Variants in DMXL2 observed in about 807,000 individuals in gnomAD.
DMXL2 encodes dmX-like protein 2.
Under a neutral mutation model 331.1 loss-of-function variants are expected in DMXL2, and 103 were observed. The ratio of observed to expected loss-of-function variants is 0.31; its 90% CI spans 0.27 to 0.37. DMXL2 has a LOEUF of 0.37. DMXL2 is among the 10% of genes least tolerant of loss of function. The probability of loss-of-function intolerance (pLI) is 1.00; values close to 1 mark genes in which losing one functional copy is unlikely to be tolerated. For missense variants in DMXL2, 3,171 were observed against 3,642.9 expected (o/e 0.87, Z 3.33); for synonymous variants, 1,281 against 1,252.1 (o/e 1.02, Z -0.49).
chr15:51,465,018 T>G, intron 31 of DMXL2, 142 bp from the exon 32 acceptor site: 1 of 761,244 alleles, frequency 1.3e-6, no homozygotes, highest in Non-Finnish European at 2.1e-6. Flanking sequence ...CAGTTTAGAT[T>G]CTTAATGCTT....
intron 9 of DMXL2, among the ~76,000 whole-genome samples, chr15:51,539,434 A>G (rs994885569): frequency 6.6e-6 from 1 of 152,172 alleles, no homozygotes. Context: ...AAAACACAAG[A>G]AGGCAGGCAA....
At chr15:51,600,591 T>C (rs1054630789) in intron 1 of DMXL2, among the ~76,000 whole-genome samples, 1 of 152,194 alleles carries the variant, frequency 6.6e-6, no homozygotes, top group African/African-American at 2.4e-5. Context: ...AATCTGAAAT[T>C]AAAACTGCTT....
chr15:51,513,227 C>A (rs542194411), intron 15 of DMXL2, among the ~76,000 whole-genome samples: 1 of 152,124 alleles, frequency 6.6e-6, no homozygotes, highest in East Asian at 1.9e-4. Context: ...AAGAAAAGTA[C>A]CAACTTTATA....
chr15:51,477,760 T>C (rs990280847), intron 26 of DMXL2, among the ~76,000 whole-genome samples: 3 of 152,110 alleles, frequency 2.0e-5, no homozygotes. Flanking sequence ...AAGGCAATTA[T>C]ACATTTAGAA....
intron 28 of DMXL2, among the ~76,000 whole-genome samples, chr15:51,473,816 T>C (rs2041333258): frequency 6.6e-6 from 1 of 152,170 alleles, no homozygotes; most frequent in African/African-American, 2.4e-5. Flanking sequence ...ACTATCACAT[T>C]GAAGACTAAA....
chr15:51,510,842 G>A (rs1215024317), intron 15 of DMXL2, among the ~76,000 whole-genome samples: 1 of 152,136 alleles, frequency 6.6e-6, no homozygotes, highest in Non-Finnish European at 1.5e-5. Flanking sequence ...TACCAAAACA[G>A]ATACATAGAA....
intron 9 of DMXL2, among the ~76,000 whole-genome samples, chr15:51,539,778 C>T (rs1275488681): frequency 6.6e-6 from 1 of 152,142 alleles, no homozygotes; most frequent in Non-Finnish European, 1.5e-5. Flanking sequence ...CAGCAAGACC[C>T]TGTCCTCCTC....
intron 34 of DMXL2, 151 bp downstream of exon 34, chr15:51,459,447 T>C: frequency 2.2e-6 from 1 of 463,154 alleles, no homozygotes; most frequent in Non-Finnish European, 3.7e-6. Context: ...CAGTGAAGCA[T>C]CTCCTCCCCT....
intron 15 of DMXL2, among the ~76,000 whole-genome samples, chr15:51,509,137 C>G (rs1335778993): frequency 6.6e-6 from 1 of 151,292 alleles, no homozygotes; most frequent in Non-Finnish European, 1.5e-5. Context: ...ACAGGCAATA[C>G]AGTAGACAAG....
intron 13 of DMXL2, among the ~76,000 whole-genome samples, chr15:51,520,898 G>A (rs1487225222): frequency 1.3e-5 from 2 of 152,012 alleles, no homozygotes; most frequent in Non-Finnish European, 2.9e-5. Context: ...ATAAATGGGA[G>A]TAAAAACATA....
chr15:51,535,321 A>G (rs1331312462), intron 13 of DMXL2, among the ~76,000 whole-genome samples: 5 of 152,164 alleles, frequency 3.3e-5, no homozygotes, highest in Non-Finnish European at 5.9e-5. Flanking sequence ...CTAAACATAC[A>G]GCTTGGTAAA....
chr15:51,489,735 TA>T (rs1419409441), intron 20 of DMXL2, among the ~76,000 whole-genome samples: 1 of 152,158 alleles, frequency 6.6e-6, no homozygotes, highest in Non-Finnish European at 1.5e-5. Context: ...TTCCCCCTTT[TA>T]ATTGTGTTGT....
At chr15:51,505,755 A>G (rs2046361184) in intron 16 of DMXL2, among the ~76,000 whole-genome samples, 1 of 152,272 alleles carries the variant, frequency 6.6e-6, no homozygotes, top group Non-Finnish European at 1.5e-5. Flanking sequence ...TGTGAACAAA[A>G]AAGTACAAAT....
chr15:51,500,347 A>G lies in DMXL2; in HGVS notation c.2993-116T>C, dbSNP rs568940844. 1.5e-5 allele frequency: 16 copies of G among 1,059,344 alleles called. No homozygotes were observed. In the South Asian group the frequency reaches 2.6e-4, roughly 17 times the overall value. The allele number at this position is 1,059,344 out of a possible 1,614,324, so 65.6% of individuals were successfully genotyped here. On this transcript the variant is annotated intron_variant, in intron 17 of 43. Coordinates refer to ENST00000560891, the MANE Select transcript of DMXL2 (RefSeq NM_001378457.1). ...TAAAGTCACTATGAGCTTCTTCAGA[A>G]TATCTCTGCAGTCTTCCTCTTAACT... is the stretch of plus-strand genomic sequence containing the variant.
intron 23 of DMXL2, among the ~76,000 whole-genome samples, chr15:51,482,571 A>T (rs2140377399): frequency 6.6e-6 from 1 of 152,332 alleles, no homozygotes; most frequent in Non-Finnish European, 1.5e-5. Flanking sequence ...CTGGTGCCCA[A>T]ACTATAGTTT....
chr15:51,471,317 T>C lies in DMXL2; in HGVS notation c.7298A>G (p.Asp2433Gly), dbSNP rs757715075. ...TGCAGGCACCGGTGGTGGGGTAGCA[T>C]CTTTTACAGGCCTTCCAGGGACGAG... ...RMLVPGRPVK[D>G]ATPPPVPAER... The change falls in exon 29 of 44, where the codon GAT (aspartate) becomes GGT (glycine). Residue 2433 changes from aspartate to glycine, a missense_variant. Physicochemically the swap from Asp to Gly is moderately conservative, Grantham distance 94. This residue lies in a region of DMXL2 where 766 missense variants were observed against 940.5 expected (regional missense o/e 0.81). Transcript: ENST00000560891. The C allele has an allele frequency of 6.2e-7, 1 of 1,614,058 alleles. No homozygotes were observed. Among genetic ancestry groups the C allele is most frequent in the East Asian group, 2.2e-5 (1 of 44,868 alleles).
At chr15:51,600,821 C>T (rs1334998680) in intron 1 of DMXL2, among the ~76,000 whole-genome samples, 1 of 152,146 alleles carries the variant, frequency 6.6e-6, no homozygotes, top group East Asian at 1.9e-4. Flanking sequence ...ATTAGGACAT[C>T]TACCAAGATA....
rs1295405197 is a variant in DMXL2, at chr15:51,471,211, CA to C, written c.7392+11del. 1 of 1,606,604 alleles carries C rather than the reference CA, an allele frequency of 6.2e-7. No individual in the cohort carries two copies. ...GACTTCTCTTAAAGCTTGCATTCCT[CA>C]CACTCCTTACCTTTGCAACAAAATA... On this transcript the variant is annotated intron_variant, in intron 29 of 43. Transcript: ENST00000560891.
At chr15:51,498,365 T>A (rs916080025) in intron 18 of DMXL2, among the ~76,000 whole-genome samples, 187 bp downstream of exon 18, 3 of 152,208 alleles carry the variant, frequency 2.0e-5, no homozygotes. Context: ...AATCCATGCA[T>A]TCATATGCCG....
Sources: gnomAD v4.1 joint callset for allele counts (sites outside exome capture counted in the v4.1 genomes callset) on GRCh38, gnomAD v4.1.1 for gene constraint, gnomAD v4.1.1 regional missense constraint, MANE v1.5 for transcripts, NCBI Gene and HGNC (gene_info 2026-07-23, HGNC 2026-07-21) for gene names.